SLC10A7: variants seen among roughly 807,000 people sequenced by gnomAD.
The protein encoded by SLC10A7 is solute carrier family 10 member 7, also known as sodium/bile acid cotransporter 7.
In SLC10A7, 29 loss-of-function variants were observed where a neutral mutation model predicts 43.2. The ratio of observed to expected loss-of-function variants is 0.67; its 90% CI spans 0.50 to 0.92. SLC10A7 has a LOEUF of 0.92. SLC10A7 is among the 40% of genes least tolerant of loss of function. The probability of loss-of-function intolerance (pLI) is 0.00; values close to 1 mark genes in which losing one functional copy is unlikely to be tolerated. For synonymous variants in SLC10A7, 152 were observed against 144.8 expected (o/e 1.05, Z -0.35); for missense variants, 295 against 403.2 (o/e 0.73, Z 2.30).
At chr4:146,414,116 C>T (rs991269227) in intron 5 of SLC10A7, among the ~76,000 whole-genome samples, 4 of 152,230 alleles carry the variant, frequency 2.6e-5, no homozygotes, top group South Asian at 2.1e-4. Context: ...ACCCAGAACA[C>T]GGGCTAGTCA....
At chr4:146,326,087 T>G (rs1050292770) in intron 5 of SLC10A7, 91 bp from the exon 6 acceptor site, 32 of 1,066,062 alleles carry the variant, frequency 3.0e-5, no homozygotes, top group Non-Finnish European at 4.2e-5. Context: ...ATAGGAGTGC[T>G]TATCTTCTCA....
At chr4:146,506,772 T>A (rs554952638) in intron 3 of SLC10A7, among the ~76,000 whole-genome samples, 4 of 152,188 alleles carry the variant, frequency 2.6e-5, no homozygotes, top group Non-Finnish European at 5.9e-5. Context: ...TGTTTTTGTT[T>A]TTGTTTTTGC....
intron 9 of SLC10A7, among the ~76,000 whole-genome samples, chr4:146,290,131 T>C (rs1445518833): frequency 5.3e-5 from 8 of 150,702 alleles, no homozygotes; most frequent in Non-Finnish European, 1.2e-4. Context: ...CAGACCATCC[T>C]GGCTAACATG....
chr4:146,340,530 T>C (rs1431797810), intron 5 of SLC10A7, among the ~76,000 whole-genome samples: 2 of 146,696 alleles, frequency 1.4e-5, no homozygotes, highest in African/African-American at 5.3e-5. Flanking sequence ...TGTATATATA[T>C]ATATGGAGAG....
At chr4:146,301,202 G>A (rs886498582) in intron 7 of SLC10A7, among the ~76,000 whole-genome samples, 2 of 152,110 alleles carry the variant, frequency 1.3e-5, no homozygotes, top group Non-Finnish European at 2.9e-5. Context: ...TTTAATCGAG[G>A]CCAGTCTAGG....
At chr4:146,453,863 G>T (rs528694909) in intron 4 of SLC10A7, among the ~76,000 whole-genome samples, 1 of 151,818 alleles carries the variant, frequency 6.6e-6, no homozygotes, top group African/African-American at 2.4e-5. Flanking sequence ...GCAATAGTTC[G>T]TGCATACCAA....
In SLC10A7 at chr4:146,305,799, G is replaced by T. The variant is rs1325546999; in HGVS notation, c.555+127C>A. 2.6e-5 allele frequency: 20 copies of T among 776,946 alleles called. No individual in the cohort carries two copies. The South Asian group carries it at 3.9e-4, about 15-fold the overall frequency. 48.1% of individuals were successfully genotyped at this position (776,946 alleles called of 1,614,324 possible). A position where few individuals can be genotyped will look rare whatever the true frequency, so the allele number is the denominator to read the frequency against. On this transcript the variant is annotated intron_variant, in intron 7 of 11. Transcript: ENST00000335472. ...GAATACTGTGATTGATGAAAGTTTT[G>T]TTTTTAGTCTCATATTTTCATTTAT... is the stretch of plus-strand genomic sequence containing the variant.
intron 5 of SLC10A7, among the ~76,000 whole-genome samples, chr4:146,428,136 C>G (rs1399040231): frequency 2.0e-5 from 3 of 152,124 alleles, no homozygotes; most frequent in African/African-American, 7.2e-5. Flanking sequence ...GTGATCTTAC[C>G]ACACTGCACT....
chr4:146,462,206 T>G (rs1250259381), intron 4 of SLC10A7, among the ~76,000 whole-genome samples: 2 of 152,184 alleles, frequency 1.3e-5, no homozygotes, highest in African/African-American at 4.8e-5. Context: ...CTTCTCTTTT[T>G]TTTCATTCTA....
chr4:146,289,706 G>GTTTTT (rs776153195), intron 9 of SLC10A7, among the ~76,000 whole-genome samples: 9 of 88,072 alleles, frequency 1.0e-4, no homozygotes, highest in African/African-American at 2.8e-4. Flanking sequence ...CTGATTATTA[G>GTTTTT]TTTTTTTTTT....
chr4:146,387,006 G>A (rs540340511), intron 5 of SLC10A7, among the ~76,000 whole-genome samples: 66 of 152,280 alleles, frequency 4.3e-4, no homozygotes, highest in African/African-American at 1.5e-3. Context: ...TGAGAGAATC[G>A]GAGGGAGAAT....
chr4:146,266,805 A>C (rs566132462), intron 10 of SLC10A7, among the ~76,000 whole-genome samples: 6 of 152,312 alleles, frequency 3.9e-5, no homozygotes, highest in African/African-American at 1.2e-4. Flanking sequence ...ACCACCATTT[A>C]CCACCTGTGT....
Position 146,521,758 on chromosome 4 carries a change from TTTTTC to T in SLC10A7, c.-46_-42del. On this transcript the variant is annotated 5_prime_UTR_variant, in exon 1 of 12. The change abolishes the stop of an existing upstream ORF in the 5' untranslated region. Coordinates refer to ENST00000335472, the MANE Select transcript of SLC10A7 (RefSeq NM_001029998.6). ...TGGGTTTTGTTTATTTGTTTGGCTT[TTTTTC>T]TTTTCAAGCTCCGATCACCTAATCC... The T allele has an allele frequency of 6.4e-7, 1 of 1,553,862 alleles. No individual in the cohort carries two copies. Among genetic ancestry groups the T allele is most frequent in the South Asian group, 1.1e-5 (1 of 89,794 alleles).
At chr4:146,280,470 T>C (rs1184451734) in intron 10 of SLC10A7, among the ~76,000 whole-genome samples, 1 of 152,170 alleles carries the variant, frequency 6.6e-6, no homozygotes. Flanking sequence ...GAAATCTCTA[T>C]ACCTTCCACT....
chr4:146,378,670 G>A (rs947468415), intron 5 of SLC10A7, among the ~76,000 whole-genome samples: 1 of 152,176 alleles, frequency 6.6e-6, no homozygotes, highest in Non-Finnish European at 1.5e-5. Flanking sequence ...TAAAATAAAT[G>A]AGGCTTAGTC....
rs541628863 is a variant in SLC10A7 at position 146,469,537 on chromosome 4, AAC to A, written c.397-26718_397-26717del. Among the ~76,000 whole-genome samples the A allele has an allele frequency of 1.7e-3, 258 of 152,354 alleles. 1 individual carries two copies. The highest frequency in any genetic ancestry group is 5.8e-3 in the African/African-American group (243 of 41,586). ...TGATGAATTCCTACTGTGTATAAAAAACAGTGAAATAATTTTCTTATTGTAAG... is the reference window on the plus strand; with the variant it reads ...TGATGAATTCCTACTGTGTATAAAAAAGTGAAATAATTTTCTTATTGTAAG... On this transcript the variant is annotated intron_variant, in intron 4 of 11. Coordinates refer to ENST00000335472, the MANE Select transcript of SLC10A7 (RefSeq NM_001029998.6).
At chr4:146,383,980 A>T (rs1199263167) in intron 5 of SLC10A7, among the ~76,000 whole-genome samples, 2 of 152,142 alleles carry the variant, frequency 1.3e-5, no homozygotes, top group Non-Finnish European at 2.9e-5. Context: ...TAACTGTGTA[A>T]TTTAGGGGAA....
intron 6 of SLC10A7, among the ~76,000 whole-genome samples, chr4:146,316,852 T>C (rs575428495): frequency 2.9e-4 from 44 of 152,144 alleles, no homozygotes; most frequent in Non-Finnish European, 5.0e-4. Flanking sequence ...TTTTGTAGAA[T>C]CTTGATATCC....
chr4:146,440,993 A>G (rs1194407994), intron 5 of SLC10A7, among the ~76,000 whole-genome samples: 1 of 152,138 alleles, frequency 6.6e-6, no homozygotes, highest in Non-Finnish European at 1.5e-5. Flanking sequence ...CTCTAGTAAC[A>G]TCTTTCATAC....
Sources: gnomAD v4.1 joint callset for allele counts (sites outside exome capture counted in the v4.1 genomes callset) on GRCh38, gnomAD v4.1.1 for gene constraint, MANE v1.5 for transcripts, NCBI Gene and HGNC (gene_info 2026-07-23, HGNC 2026-07-21) for gene names.